Variants in CPXM1 observed in about 807,000 individuals in gnomAD.
CPXM1 encodes probable carboxypeptidase X1.
Under a neutral mutation model 80.4 loss-of-function variants are expected in CPXM1, and 72 were observed. The ratio of observed to expected loss-of-function variants is 0.90; its 90% CI spans 0.74 to 1.09. The LOEUF (loss-of-function observed/expected upper bound fraction) is 1.09. Ranked by LOEUF, CPXM1 falls within the 50% of genes least tolerant of loss-of-function variation. The probability of loss-of-function intolerance (pLI) is 0.00; values close to 1 mark genes in which losing one functional copy is unlikely to be tolerated. For missense variants in CPXM1, 892 were observed against 999.4 expected, an observed-to-expected ratio of 0.89 and a Z score of 1.45; for synonymous variants, 403 against 405.6, an observed-to-expected ratio of 0.99 and a Z score of 0.08.
chr20:2,800,080 T>C (rs979838581), intron 1 of CPXM1, among the ~76,000 whole-genome samples: 1 of 151,414 alleles, frequency 6.6e-6, no homozygotes, highest in African/African-American at 2.4e-5. Flanking sequence ...GGAGTGTGAG[T>C]GTGTATATGT....
Position 2,798,232 on chromosome 20 carries a change from G to A in CPXM1, c.510C>T (p.Ala170=), listed in dbSNP as rs201295871. 1.8e-5 allele frequency: 29 copies of A among 1,613,910 alleles called. 1 individual carries two copies. Among genetic ancestry groups the A allele is most frequent in the Admixed American group, 1.7e-4 (10 of 60,006 alleles). Residue 170 remains alanine (A), a synonymous_variant, in exon 4 of 14, where the codon GCC becomes GCT. Transcript: ENST00000380605. ...CAGCGTCCACCTGAAACCATGGATCGGCGTCCTGCTCCTCAGCACACCAGG... is the reference window on the plus strand; with the variant it reads ...CAGCGTCCACCTGAAACCATGGATCAGCGTCCTGCTCCTCAGCACACCAGG... The part of the protein sequence containing the change: ...DGAWCAEEQD[A]DPWFQVDAGH...
chr20:2,795,340 G>GT lies in CPXM1; in HGVS notation c.1796dup (p.His599GlnfsTer4), dbSNP rs771466865. On this transcript the variant is annotated frameshift_variant, in exon 12 of 14. Transcript: ENST00000380605. LOFTEE classifies it high-confidence loss of function. The surrounding 1 kb of genome is among the most constrained non-coding windows in gnomAD (Gnocchi z 5.4). ...CCCACTCCTGGGGCAATTCATTCTC[G>GT]TGAGGGAACTTGTCACAGGACAGCT... 1.6e-5 allele frequency: 26 copies of GT among 1,614,028 alleles called. No homozygotes were observed. The highest frequency in any genetic ancestry group is 4.0e-5 in the African/African-American group (3 of 74,920).
chr20:2,799,031 A>G, intron 1 of CPXM1, 138 bp from the exon 2 acceptor site: 1 of 834,610 alleles, frequency 1.2e-6, no homozygotes, highest in Admixed American at 2.5e-5. Flanking sequence ...CAGGACATCA[A>G]AGGCCTGCAA....
rs1364572005 is a variant in CPXM1 at position 2,798,141 on chromosome 20, G to A, written c.590+11C>T. ...TCTGTGACCTCCTGACCTAGGGTTA[G>A]TCTGCCTCACCTCCAGACAGAGTTC... On this transcript the variant is annotated intron_variant, in intron 4 of 13. Coordinates refer to ENST00000380605, the MANE Select transcript of CPXM1 (RefSeq NM_019609.5). 6.2e-7 allele frequency: 1 copy of A among 1,613,736 alleles called. No individual in the cohort carries two copies. Among genetic ancestry groups the A allele is most frequent in the African/African-American group, 1.3e-5 (1 of 74,956 alleles).
At chr20:2,798,692 G>A in intron 2 of CPXM1, 34 bp downstream of exon 2, 2 of 1,595,908 alleles carry the variant, frequency 1.3e-6, no homozygotes, top group Non-Finnish European at 8.6e-7. Flanking sequence ...CCCAGGGGCT[G>A]CAAGTCTGGG....
At position 2,796,087 on chromosome 20, in the gene CPXM1, G is replaced by T. The variant is rs780229430; in HGVS notation, c.1317C>A (p.Asp439Glu). Residue 439 changes from aspartate (D) to glutamate (E), a missense_variant, in exon 10 of 14, where the codon GAC (aspartate) becomes GAA (glutamate). Asp to Glu is a conservative substitution (Grantham distance 45). Transcript: ENST00000380605. The surrounding 1 kb of genome is among the most constrained non-coding windows in gnomAD (Gnocchi z 6.8). ...QSIDLNHNFA[D>E]LNTPLWEAQD... ...GTGCTTCCCACAGTGGTGTGTTGAGGTCAGCAAAATTATGGTTAAGATCGA... is the reference window on the plus strand; with the variant it reads ...GTGCTTCCCACAGTGGTGTGTTGAGTTCAGCAAAATTATGGTTAAGATCGA... The T allele has an allele frequency of 1.9e-6, 3 of 1,614,108 alleles. No homozygotes were observed. In the East Asian group the frequency reaches 6.7e-5, roughly 36 times the overall value.
At chr20:2,798,644 C>T (rs999573544) in intron 2 of CPXM1, 82 bp downstream of exon 2, 25 of 1,552,132 alleles carry the variant, frequency 1.6e-5, no homozygotes, top group African/African-American at 2.7e-5. Context: ...AGGGGCGTGC[C>T]GGTGCCCATG....
At position 2,795,313 on chromosome 20, in the gene CPXM1, C is replaced by G; in HGVS notation, c.1824G>C (p.Glu608Asp). The change falls in exon 12 of 14, where the codon GAG (glutamate) becomes GAC (aspartate). Residue 608 changes from glutamate to aspartate, a missense_variant. Coordinates refer to ENST00000380605, the MANE Select transcript of CPXM1 (RefSeq NM_019609.5). The surrounding 1 kb of genome is among the most constrained non-coding windows in gnomAD (Gnocchi z 5.4). ...AGGTGAGGAGGGCGTCTTTGTTGTT[C>G]TCCCACTCCTGGGGCAATTCATTCT... is the stretch of plus-strand genomic sequence containing the variant. ...PHENELPQEW[E>D]NNKDALLTYL... 1.2e-6 allele frequency: 2 copies of G among 1,614,140 alleles called. No homozygotes were observed. The highest frequency in any genetic ancestry group is 1.3e-5 in the African/African-American group (1 of 75,052).
In CPXM1 at chr20:2,800,438, A is replaced by C; in HGVS notation, c.135T>G (p.His45Gln). 3 of 1,519,704 alleles carry C rather than the reference A, an allele frequency of 2.0e-6. No individual in the cohort carries two copies. The highest frequency in any genetic ancestry group is 2.6e-6 in the Non-Finnish European group (3 of 1,141,544). 94.1% of individuals were successfully genotyped at this position (1,519,704 alleles called of 1,614,324 possible). A position where few individuals can be genotyped will look rare whatever the true frequency, so the allele number is the denominator to read the frequency against. The change falls in exon 1 of 14, where the codon CAT (histidine) becomes CAG (glutamine). Residue 45 changes from histidine to glutamine, a missense_variant. Physicochemically the swap from His to Gln is conservative, Grantham distance 24. Transcript: ENST00000380605. ...TKVPGSTPAL[H>Q]SSPAQPPAET... ...CCGCCGGCGGCTGTGCCGGGCTGCT[A>C]TGCAGGGCCGGGGTCGAGCCTGGGA...
At chr20:2,797,922 GC>G (rs1568602134) in intron 5 of CPXM1, 45 bp downstream of exon 5, 1 of 1,550,644 alleles carries the variant, frequency 6.4e-7, no homozygotes, top group South Asian at 1.1e-5. Flanking sequence ...TGGACTGGGT[GC>G]CCAACTCCCA....
Position 2,796,194 on chromosome 20 carries a change from G to T in CPXM1, c.1243-33C>A, listed in dbSNP as rs1568601243. On this transcript the variant is annotated intron_variant, in intron 9 of 13. Transcript: ENST00000380605. The surrounding 1 kb of genome is among the most constrained non-coding windows in gnomAD (Gnocchi z 6.8). ...GCAAGAGGCTTGTTCAAGTCGAGCA[G>T]GTCCAGCCACCAGGGCAGAAGGACA... The T allele has an allele frequency of 2.5e-6, 4 of 1,608,600 alleles. No homozygotes were observed. Among genetic ancestry groups the T allele is most frequent in the Non-Finnish European group, 3.4e-6 (4 of 1,176,760 alleles).
Position 2,795,985 on chromosome 20 carries a change from G to A in CPXM1, c.1419C>T (p.Ala473=). 1 of 1,606,796 alleles carries A rather than the reference G, an allele frequency of 6.2e-7. No homozygotes were observed. Among genetic ancestry groups the A allele is most frequent in the East Asian group, 2.2e-5 (1 of 44,788 alleles). ...PLPTYYTLPN[A]TVAPETRAVI... ...CTGCCGCCCTCAAAATACTCACGGT[G>A]GCATTGGGCAGGGTGTAGTAAGTGG... Residue 473 remains alanine (A), a synonymous_variant, in exon 10 of 14, where the codon GCC becomes GCT. Transcript: ENST00000380605. This position sits in a 1 kb window ranked among gnomAD's most constrained non-coding sequence, Gnocchi z 5.4.
In CPXM1 at chr20:2,798,444, C is replaced by G; in HGVS notation, c.434G>C (p.Gly145Ala). The G allele has an allele frequency of 6.2e-7, 1 of 1,613,822 alleles. No homozygotes were observed. The highest frequency in any genetic ancestry group is 8.5e-7 in the Non-Finnish European group (1 of 1,179,886). Reference protein sequence around the residue: ...SQSFGLGPHRGRLNIQSGLED... With the variant: ...SQSFGLGPHRARLNIQSGLED... ...ATTACTGACCTGAATGTTGAGCCGT[C>G]CTCGGTGTGGTCCAAGACCAAAGGA... The change falls in exon 3 of 14, where the codon GGA (glycine) becomes GCA (alanine). Residue 145 changes from glycine (G) to alanine (A), a missense_variant. Coordinates refer to ENST00000380605, the MANE Select transcript of CPXM1 (RefSeq NM_019609.5).
At chr20:2,800,202 AGT>A (rs2088554822) in intron 1 of CPXM1, among the ~76,000 whole-genome samples, 197 bp downstream of exon 1, 1 of 150,414 alleles carries the variant, frequency 6.6e-6, no homozygotes, top group South Asian at 2.1e-4. Context: ...TGTGAGTGCA[AGT>A]GTGCGCGTGT....
Position 2,797,006 on chromosome 20 carries a change from C to T in CPXM1, c.921G>A (p.Lys307=). ...CCAGGTCATAGGGGTTATATCTGACCTTCCTCATGGCCTTGTAATTGTGAT... is the reference window on the plus strand; with the variant it reads ...CCAGGTCATAGGGGTTATATCTGACTTTCCTCATGGCCTTGTAATTGTGAT... ...FQHHNYKAMR[K]LMKQVQEQCP... is the part of the protein sequence containing the mutation. The change falls in exon 7 of 14, where the codon AAG becomes AAA. Residue 307 remains lysine (K), a splice_region_variant and synonymous_variant. Transcript: ENST00000380605. 1 of 1,613,906 alleles carries T rather than the reference C, an allele frequency of 6.2e-7. No homozygotes were observed. The highest frequency in any genetic ancestry group is 8.5e-7 in the Non-Finnish European group (1 of 1,179,838).
Position 2,800,413 on chromosome 20 carries a change from C to G in CPXM1, c.160G>C (p.Glu54Gln). 2 of 1,530,998 alleles carry G rather than the reference C, an allele frequency of 1.3e-6. No homozygotes were observed. The highest frequency in any genetic ancestry group is 2.8e-5 in the African/African-American group (2 of 70,792). 94.8% of individuals were successfully genotyped at this position (1,530,998 alleles called of 1,614,324 possible). The change falls in exon 1 of 14, where the codon GAG becomes CAG. Residue 54 changes from glutamate (E) to glutamine (Q), a missense_variant. This residue lies in a region of CPXM1 where 874 missense variants were observed against 958.4 expected (regional missense o/e 0.91). Transcript: ENST00000380605. ...TCGGGGAACTCACCGTTAGCTGTCT[C>G]CGCCGGCGGCTGTGCCGGGCTGCTA... Reference protein sequence around the residue: ...LHSSPAQPPAETANGTSEQHV... With the variant: ...LHSSPAQPPAQTANGTSEQHV...
chr20:2,800,269 G>A (rs2088556292), intron 1 of CPXM1, 132 bp downstream of exon 1: 2 of 788,312 alleles, frequency 2.5e-6, no homozygotes, highest in Non-Finnish European at 1.8e-6. Context: ...GTGTGCGTGC[G>A]GGGTGAGTGT....
Position 2,794,248 on chromosome 20 carries a change from G to C in CPXM1, c.2147C>G (p.Ala716Gly). 1 of 1,613,980 alleles carries C rather than the reference G, an allele frequency of 6.2e-7. No individual in the cohort carries two copies. Among genetic ancestry groups the C allele is most frequent in the Non-Finnish European group, 8.5e-7 (1 of 1,180,030 alleles). Residue 716 changes from alanine to glycine, a missense_variant, in exon 14 of 14, where the codon GCC (alanine) becomes GGC (glycine). Around this residue, in one of 2 missense-constraint regions of CPXM1, gnomAD observed 874 missense variants for 958.4 expected, o/e 0.91. Transcript: ENST00000380605. The surrounding 1 kb of genome is among the most constrained non-coding windows in gnomAD (Gnocchi z 5.2). Reference sequence around the variant, plus strand: ...CCTGCGAAGGTCCGGGGGCACCTTGGCCCCAGCTGCCAGCAGCTCGCGCAG... The same window carrying C: ...CCTGCGAAGGTCCGGGGGCACCTTGCCCCCAGCTGCCAGCAGCTCGCGCAG... ...QRLRELLAAG[A>G]KVPPDLRRRL...
intron 1 of CPXM1, among the ~76,000 whole-genome samples, chr20:2,800,132 T>A (rs1005661801): frequency 7.1e-5 from 8 of 112,010 alleles, no homozygotes; most frequent in Non-Finnish European, 1.5e-4. Flanking sequence ...GCGTGCACTG[T>A]GTGTGCGCGC....
Sources: gnomAD v4.1 joint callset for allele counts (sites outside exome capture counted in the v4.1 genomes callset) on GRCh38, gnomAD v4.1.1 for gene constraint, gnomAD v4.1.1 regional missense constraint, Gnocchi (gnomAD v3.1) non-coding constraint, MANE v1.5 for transcripts, NCBI Gene and HGNC (gene_info 2026-07-23, HGNC 2026-07-21) for gene names.